GXYLT2: variants seen among roughly 807,000 people sequenced by gnomAD.
The protein encoded by GXYLT2 is glycosyltransferase 8 domain containing 4.
A neutral mutation model predicts 45.8 loss-of-function variants in GXYLT2; 53 were observed. The ratio of observed to expected loss-of-function variants is 1.16; its 90% CI spans 0.93 to 1.46. The LOEUF (loss-of-function observed/expected upper bound fraction) is 1.46. Among genes scored for constraint, GXYLT2 ranks in the 40% most tolerant of loss-of-function variants. GXYLT2 has a pLI of 0.00. For synonymous variants in GXYLT2, 219 were observed against 214.2 expected (o/e 1.02, Z -0.19); for missense variants, 551 against 544.4 (o/e 1.01, Z -0.12).
intron 1 of GXYLT2, among the ~76,000 whole-genome samples, chr3:72,903,824 G>A (rs190560218): frequency 2.6e-5 from 4 of 152,186 alleles, no homozygotes; most frequent in Non-Finnish European, 5.9e-5. Flanking sequence ...ATCTTTTTAG[G>A]ACCTTCGTTA....
At chr3:72,906,065 G>C (rs1259202631) in intron 1 of GXYLT2, among the ~76,000 whole-genome samples, 1 of 152,152 alleles carries the variant, frequency 6.6e-6, no homozygotes, top group Non-Finnish European at 1.5e-5. Flanking sequence ...ATTTTTCGTA[G>C]TGTATTTCAG....
chr3:72,954,101 TA>T (rs1232986585), intron 3 of GXYLT2, among the ~76,000 whole-genome samples: 5 of 152,050 alleles, frequency 3.3e-5, no homozygotes, highest in Non-Finnish European at 7.4e-5. Context: ...GCAAACTATA[TA>T]TTTTTTTAAT....
intron 1 of GXYLT2, among the ~76,000 whole-genome samples, chr3:72,890,182 A>G (rs576767967): frequency 2.0e-5 from 3 of 151,454 alleles, no homozygotes; most frequent in Admixed American, 6.6e-5. Flanking sequence ...CCAAAGTGCT[A>G]GGATTACAGG....
intron 1 of GXYLT2, among the ~76,000 whole-genome samples, chr3:72,898,727 T>C (rs1451098155): frequency 1.3e-5 from 2 of 152,044 alleles, no homozygotes; most frequent in African/African-American, 4.8e-5. Context: ...AGGGCTCTTT[T>C]TCTTTTCTTT....
At chr3:72,924,450 C>T (rs952389730) in intron 3 of GXYLT2, among the ~76,000 whole-genome samples, 3 of 152,128 alleles carry the variant, frequency 2.0e-5, no homozygotes, top group African/African-American at 2.4e-5. Flanking sequence ...GCGGTCCTCC[C>T]ACCTTGACCT....
At chr3:72,906,240 G>T (rs1025780103) in intron 1 of GXYLT2, among the ~76,000 whole-genome samples, 1 of 152,220 alleles carries the variant, frequency 6.6e-6, no homozygotes, top group Admixed American at 6.5e-5. Context: ...GCAGGCGGGG[G>T]TCCTCACTTT....
At chr3:72,891,327 C>T (rs146109128) in intron 1 of GXYLT2, among the ~76,000 whole-genome samples, 81 of 152,254 alleles carry the variant, frequency 5.3e-4, no homozygotes, top group African/African-American at 1.9e-3. Flanking sequence ...CCTCGCCTCC[C>T]ACAGGGGGCT....
intron 3 of GXYLT2, chr3:72,929,070 G>T (rs1575795515): frequency 1.9e-6 from 3 of 1,587,102 alleles, no homozygotes; most frequent in Non-Finnish European, 2.6e-6. Context: ...TCGCAGGTGC[G>T]CCAGAGCTAC....
At chr3:72,888,645 T>A in intron 1 of GXYLT2, 137 bp downstream of exon 1, 1 of 569,674 alleles carries the variant, frequency 1.8e-6, no homozygotes, top group Non-Finnish European at 2.3e-6. Context: ...TTCTGTTTCT[T>A]AACCCGATAG....
chr3:72,922,924 G>C (rs1709855450), intron 3 of GXYLT2, among the ~76,000 whole-genome samples: 1 of 152,130 alleles, frequency 6.6e-6, no homozygotes, highest in African/African-American at 2.4e-5. Flanking sequence ...TTTGAGACCA[G>C]CCTGGGCAAC....
intron 3 of GXYLT2, among the ~76,000 whole-genome samples, chr3:72,948,741 G>C (rs1235407014): frequency 6.6e-6 from 1 of 151,538 alleles, no homozygotes; most frequent in Non-Finnish European, 1.5e-5. Flanking sequence ...GGAGGCTGAG[G>C]CAGGAGAATG....
chr3:72,929,403 A>G, intron 3 of GXYLT2: 3 of 1,164,418 alleles, frequency 2.6e-6, no homozygotes, highest in Non-Finnish European at 3.8e-6. Context: ...GGAACTGCAC[A>G]AACTGGCCAG....
At chr3:72,959,602 C>G (rs772374071) in intron 5 of GXYLT2, among the ~76,000 whole-genome samples, 24 of 151,930 alleles carry the variant, frequency 1.6e-4, no homozygotes, top group Non-Finnish European at 2.8e-4. Context: ...GACAGTAGGT[C>G]TGCATCTCTT....
In GXYLT2 at chr3:72,976,030, C is replaced by G. The variant is rs1187613294; in HGVS notation, c.*871C>G. On this transcript the variant is annotated 3_prime_UTR_variant, in exon 7 of 7. Coordinates refer to ENST00000389617, the MANE Select transcript of GXYLT2 (RefSeq NM_001080393.2). The stretch of plus-strand genomic sequence containing the variant: ...CACTGCAGCTTCCACCTCCTGGGTT[C>G]AAGTGATTCTCATGCCTCAGCCTCC... 2 of 148,000 alleles carry G rather than the reference C, an allele frequency of 1.4e-5. No individual in the cohort carries two copies. Among genetic ancestry groups the G allele is most frequent in the Non-Finnish European group, 3.0e-5 (2 of 67,710 alleles). 9.2% of individuals were successfully genotyped at this position (148,000 alleles called of 1,614,324 possible). A position where few individuals can be genotyped will look rare whatever the true frequency, so the allele number is the denominator to read the frequency against.
At chr3:72,944,569 A>G (rs538186912) in intron 3 of GXYLT2, among the ~76,000 whole-genome samples, 1 of 152,126 alleles carries the variant, frequency 6.6e-6, no homozygotes, top group South Asian at 2.1e-4. Context: ...TTATGTATGT[A>G]GGTGATATCT....
rs142561825 is a variant in GXYLT2, at chr3:72,904,921, G to A, written c.276-3446G>A. Among the ~76,000 whole-genome samples the A allele has an allele frequency of 9.8e-3, 1,467 of 149,974 alleles. 30 individuals carry two copies. The highest frequency in any genetic ancestry group is 0.034 in the African/African-American group (1,390 of 40,950). Reference sequence around the variant, plus strand: ...AAATTAACCAGGTGTGATGGCCTTCGGTTTGTAGTCCCAGCTACTTGGGAG... The same window carrying A: ...AAATTAACCAGGTGTGATGGCCTTCAGTTTGTAGTCCCAGCTACTTGGGAG... On this transcript the variant is annotated intron_variant, in intron 1 of 6. Transcript: ENST00000389617.
intron 3 of GXYLT2, among the ~76,000 whole-genome samples, chr3:72,949,856 C>T (rs1710487315): frequency 6.6e-6 from 1 of 152,060 alleles, no homozygotes; most frequent in Non-Finnish European, 1.5e-5. Context: ...TTGCTGGTTA[C>T]CTGGGCTGTC....
intron 3 of GXYLT2, among the ~76,000 whole-genome samples, chr3:72,941,827 A>G (rs1433545033): frequency 1.3e-5 from 2 of 152,208 alleles, no homozygotes; most frequent in Admixed American, 6.5e-5. Flanking sequence ...ATGGATATGT[A>G]TGTATACATG....
chr3:72,909,193 C>T (rs767501992), intron 2 of GXYLT2, among the ~76,000 whole-genome samples: 8 of 151,118 alleles, frequency 5.3e-5, no homozygotes, highest in African/African-American at 1.2e-4. Flanking sequence ...CTCAGCCTCC[C>T]GAGTAGCTGT....
Sources: allele counts gnomAD v4.1 joint callset (sites outside exome capture counted in the v4.1 genomes callset), GRCh38; gene constraint gnomAD v4.1.1; transcripts MANE v1.5; gene names NCBI Gene and HGNC (gene_info 2026-07-23, HGNC 2026-07-21).